The following PTPRO variants were observed in gnomAD, a reference collection of about 807,000 sequenced individuals.
The protein encoded by PTPRO is protein tyrosine phosphatase receptor type O.
Under a neutral mutation model 145.2 loss-of-function variants are expected in PTPRO, and 62 were observed. The observed-to-expected ratio is 0.43, with a 90% CI of 0.35 to 0.53. The LOEUF is 0.53. PTPRO is among the 20% of genes least tolerant of loss of function. The pLI is 0.01. For missense variants in PTPRO, 1,345 were observed against 1,482.7 expected (o/e 0.91, Z 1.53); for synonymous variants, 565 against 514.7 (o/e 1.10, Z -1.32).
intron 1 of PTPRO, among the ~76,000 whole-genome samples, chr12:15,374,784 A>G (rs948483979): frequency 6.6e-6 from 1 of 152,110 alleles, no homozygotes. Flanking sequence ...TAAAAGGAAG[A>G]CCTGCCAATG....
chr12:15,514,476 A>AAGAACAGTAG (rs1180416974), intron 7 of PTPRO, among the ~76,000 whole-genome samples: 2 of 150,948 alleles, frequency 1.3e-5, no homozygotes, highest in Admixed American at 6.6e-5. Flanking sequence ...AAAAAAAAGA[A>AAGAACAGTAG]AGAACAGTAA....
At chr12:15,492,205 G>A (rs1219276187) in intron 2 of PTPRO, among the ~76,000 whole-genome samples, 1 of 152,198 alleles carries the variant, frequency 6.6e-6, no homozygotes, top group South Asian at 2.1e-4. Context: ...AGAGAGAAAT[G>A]GGGAGATGAA....
chr12:15,528,362 A>C (rs1942887384), intron 12 of PTPRO, among the ~76,000 whole-genome samples: 1 of 65,470 alleles, frequency 1.5e-5, no homozygotes, highest in Admixed American at 1.7e-4. Flanking sequence ...TAAAAATACA[A>C]AAAAAAAAAA....
chr12:15,489,006 A>G (rs1246528490), intron 2 of PTPRO, among the ~76,000 whole-genome samples: 2 of 152,190 alleles, frequency 1.3e-5, no homozygotes, highest in Admixed American at 6.5e-5. Context: ...AAGAATACAC[A>G]TAGAGACACT....
At chr12:15,330,766 C>T (rs1160691696) in intron 1 of PTPRO, among the ~76,000 whole-genome samples, 1 of 152,184 alleles carries the variant, frequency 6.6e-6, no homozygotes, top group Non-Finnish European at 1.5e-5. Context: ...GCAATAGCTT[C>T]TCCCTGCTTC....
intron 1 of PTPRO, among the ~76,000 whole-genome samples, chr12:15,455,470 C>T (rs182708188): frequency 3.0e-4 from 46 of 152,200 alleles, no homozygotes; most frequent in African/African-American, 1.0e-3. Flanking sequence ...TTAAGTCTTC[C>T]GGTCCATGGT....
intron 1 of PTPRO, among the ~76,000 whole-genome samples, chr12:15,474,519 T>A (rs253833): frequency 0.93 from 142,005 of 152,242 alleles, 66,834 homozygotes; most frequent in East Asian, 1. Context: ...GACATCAATT[T>A]GCTGTGTGAC....
intron 1 of PTPRO, among the ~76,000 whole-genome samples, chr12:15,338,469 C>T (rs1050478942): frequency 6.6e-6 from 1 of 152,136 alleles, no homozygotes; most frequent in Non-Finnish European, 1.5e-5. Context: ...ACACCATTAG[C>T]TGCAAACTCA....
At chr12:15,412,573 C>A (rs189800708) in intron 1 of PTPRO, among the ~76,000 whole-genome samples, 18 of 152,220 alleles carry the variant, frequency 1.2e-4, no homozygotes, top group East Asian at 5.8e-4. Context: ...GAGGGTAACT[C>A]TAATAAACAA....
At chr12:15,476,286 C>T (rs548677464) in intron 1 of PTPRO, among the ~76,000 whole-genome samples, 19 of 152,154 alleles carry the variant, frequency 1.2e-4, no homozygotes, top group African/African-American at 3.6e-4. Flanking sequence ...TGCTTGATCC[C>T]GGCAATGCAT....
At chr12:15,404,235 T>C (rs890867060) in intron 1 of PTPRO, among the ~76,000 whole-genome samples, 1 of 141,206 alleles carries the variant, frequency 7.1e-6, no homozygotes, top group African/African-American at 2.6e-5. Flanking sequence ...GTTTGGTACA[T>C]AAAATAAATA....
intron 1 of PTPRO, among the ~76,000 whole-genome samples, chr12:15,454,378 T>C (rs974728290): frequency 2.6e-5 from 4 of 152,226 alleles, no homozygotes; most frequent in Admixed American, 6.5e-5. Context: ...AAAAAATGTC[T>C]ATTTAAGGAC....
At chr12:15,338,476 C>G (rs1405743025) in intron 1 of PTPRO, among the ~76,000 whole-genome samples, 1 of 152,106 alleles carries the variant, frequency 6.6e-6, no homozygotes, top group Non-Finnish European at 1.5e-5. Context: ...TAGCTGCAAA[C>G]TCAAATTTAT....
At chr12:15,339,545 G>A (rs1056701705) in intron 1 of PTPRO, among the ~76,000 whole-genome samples, 9 of 151,984 alleles carry the variant, frequency 5.9e-5, no homozygotes, top group Admixed American at 5.2e-4. Flanking sequence ...TTCTAAATAC[G>A]TGTGCTCTGT....
chr12:15,484,980 G>A (rs763127158), intron 2 of PTPRO, among the ~76,000 whole-genome samples: 1 of 152,080 alleles, frequency 6.6e-6, no homozygotes, highest in Non-Finnish European at 1.5e-5. Context: ...TAAGACAGTA[G>A]AGTTTATCAC....
intron 1 of PTPRO, among the ~76,000 whole-genome samples, chr12:15,351,018 A>G (rs1406120453): frequency 6.6e-6 from 1 of 152,130 alleles, no homozygotes; most frequent in Non-Finnish European, 1.5e-5. Flanking sequence ...AACAAAATGG[A>G]AACTTGAGAA....
chr12:15,560,387 A>G (rs1262609372), intron 17 of PTPRO, 111 bp downstream of exon 17: 3 of 792,876 alleles, frequency 3.8e-6, no homozygotes, highest in African/African-American at 1.7e-5. Context: ...AGTAACATCT[A>G]AAGTTATTAA....
intron 1 of PTPRO, among the ~76,000 whole-genome samples, chr12:15,482,749 C>T (rs1234761276): frequency 2.0e-5 from 3 of 152,082 alleles, no homozygotes; most frequent in African/African-American, 7.2e-5. Context: ...TTTAATCAGC[C>T]ATTCCTTCAC....
At chr12:15,429,491 A>G (rs1303383581) in intron 1 of PTPRO, among the ~76,000 whole-genome samples, 1 of 152,166 alleles carries the variant, frequency 6.6e-6, no homozygotes, top group African/African-American at 2.4e-5. Context: ...GAGAGGCTAG[A>G]GTAGGAATAT....
Sources: gnomAD v4.1 joint callset for allele counts (sites outside exome capture counted in the v4.1 genomes callset) on GRCh38, gnomAD v4.1.1 for gene constraint, MANE v1.5 for transcripts, NCBI Gene and HGNC (gene_info 2026-07-23, HGNC 2026-07-21) for gene names.